Variants in AWAT2 observed in about 807,000 individuals in gnomAD.
The protein encoded by AWAT2 is acyl-CoA wax alcohol acyltransferase 2, also known as 11-cis-RE-synthase.
Under a neutral mutation model 22.3 loss-of-function variants are expected in AWAT2, and 9 were observed. The observed-to-expected ratio is 0.40, with a 90% confidence interval of 0.24 to 0.70. AWAT2 has a LOEUF of 0.70. Among genes scored for constraint, AWAT2 ranks in the 30% least tolerant of loss-of-function variants. AWAT2 has a pLI of 0.36. For synonymous variants in AWAT2, 100 were observed against 93.4 expected (o/e 1.07, Z -0.40); for missense variants, 217 against 265.9 (o/e 0.82, Z 1.28).
chrX:70,043,529 G>T lies in AWAT2; in HGVS notation c.421C>A (p.Leu141Met), dbSNP rs1464909056. 2 of 1,211,170 alleles carry T rather than the reference G, an allele frequency of 1.7e-6. No homozygotes were observed. The highest frequency in any genetic ancestry group is 2.2e-6 in the Non-Finnish European group (2 of 894,872). Residue 141 changes from leucine (L) to methionine (M), a missense_variant, in exon 4 of 8, where the codon CTG becomes ATG. Leu to Met is a conservative substitution (Grantham distance 15, BLOSUM62 2). Transcript: ENST00000276101. ...FPGITPYILTLGAFFWMPFLR... is the reference protein window; with the variant it reads ...FPGITPYILTMGAFFWMPFLR... ...AAAGGCATCCAGAAAAAGGCTCCCA[G>T]TGTGAGTATGTAAGGGGTGATGCCA...
chrX:70,044,224 C>A, intron 2 of AWAT2, 128 bp downstream of exon 2: 1 of 1,094,492 alleles, frequency 9.1e-7, no homozygotes, highest in South Asian at 2.3e-5. Context: ...CTTCCCTCAG[C>A]CTCTCTAGCC....
At chrX:70,043,760 A>G in intron 3 of AWAT2, 78 bp from the exon 4 acceptor site, 1 of 1,024,865 alleles carries the variant, frequency 9.8e-7, no homozygotes, top group East Asian at 3.3e-5. Context: ...TGAAAGGAAA[A>G]GGACTGCTAG....
intron 1 of AWAT2, among the ~76,000 whole-genome samples, chrX:70,046,923 G>C (rs2020365612): frequency 9.0e-6 from 1 of 111,190 alleles, no homozygotes; most frequent in African/African-American, 3.3e-5. Flanking sequence ...ATGTTAAGTA[G>C]AAAAAGTTTT....
In AWAT2 at chrX:70,044,413, G is replaced by A. The variant is rs1436819501; in HGVS notation, c.135C>T (p.Tyr45=). ...VNLYLVVFTP[Y]WPVTVLILTW... ...TAAGAATAAGCACAGTGACAGGCCAGTATGGTGTGAACACCACCAGGTAGA... is the reference window on the plus strand; with the variant it reads ...TAAGAATAAGCACAGTGACAGGCCAATATGGTGTGAACACCACCAGGTAGA... Residue 45 remains tyrosine (Y), a synonymous_variant, in exon 2 of 8, where the codon TAC becomes TAT. Transcript: ENST00000276101. 8.3e-7 allele frequency: 1 copy of A among 1,210,608 alleles called. No individual in the cohort carries two copies. The highest frequency in any genetic ancestry group is 1.1e-6 in the Non-Finnish European group (1 of 895,336).
chrX:70,044,204 A>T, intron 2 of AWAT2, 148 bp downstream of exon 2: 2 of 1,050,375 alleles, frequency 1.9e-6, no homozygotes, highest in Admixed American at 3.2e-5. Flanking sequence ...CTACCACCTT[A>T]AAAGGACCCC....
In AWAT2 at chrX:70,042,368, G is replaced by C. The variant is rs779543494; in HGVS notation, c.666C>G (p.Ala222=). ...ALQHGVPLIP[A]YAFGETDLYD... ...AGAGGTCCGTCTCCCCAAAGGCATA[G>C]GCAGGTATTAGAGGCACCCTGCAGA... is the stretch of plus-strand genomic sequence containing the variant. Residue 222 remains alanine, a synonymous_variant, in exon 6 of 8, where the codon GCC becomes GCG. Coordinates refer to ENST00000276101, the MANE Select transcript of AWAT2 (RefSeq NM_001002254.1). 3 of 1,211,942 alleles carry C rather than the reference G, an allele frequency of 2.5e-6. No individual in the cohort carries two copies. In the Admixed American group the frequency reaches 6.5e-5, roughly 26 times the overall value.
chrX:70,043,502 G>C lies in AWAT2; in HGVS notation c.448C>G (p.Leu150Val). 1 of 1,210,460 alleles carries C rather than the reference G, an allele frequency of 8.3e-7. No homozygotes were observed. Among genetic ancestry groups the C allele is most frequent in the Non-Finnish European group, 1.1e-6 (1 of 894,365 alleles). The change falls in exon 4 of 8, where the codon CTC (leucine) becomes GTC (valine). Residue 150 changes from leucine to valine, a missense_variant. By Grantham distance (32) the Leu-to-Val change is conservative. Coordinates refer to ENST00000276101, the MANE Select transcript of AWAT2 (RefSeq NM_001002254.1). ...TLGAFFWMPFLREYVMSTGAC... is the reference protein window; with the variant it reads ...TLGAFFWMPFVREYVMSTGAC... ...CCTGTAGACATTACATATTCTCTGA[G>C]GAAAGGCATCCAGAAAAAGGCTCCC...
rs2020341001 is a variant in AWAT2, at chrX:70,043,142, A to G, written c.574T>C (p.Tyr192His). ...VVIGGLAECR[Y>H]SLPGSSTLVL... is the part of the protein sequence containing the mutation. ...AGGGTAGAAGAACCTGGCAGGCTGTATCTGCACTCAGCCAGTCCACCAATC... is the reference window on the plus strand; with the variant it reads ...AGGGTAGAAGAACCTGGCAGGCTGTGTCTGCACTCAGCCAGTCCACCAATC... Residue 192 changes from tyrosine (Y) to histidine (H), a missense_variant, in exon 5 of 8, where the codon TAC (tyrosine) becomes CAC (histidine). By Grantham distance (83) the Tyr-to-His change is moderately conservative. Transcript: ENST00000276101. 1 of 1,204,232 alleles carries G rather than the reference A, an allele frequency of 8.3e-7. No individual in the cohort carries two copies. The highest frequency in any genetic ancestry group is 1.7e-5 in the African/African-American group (1 of 57,614).
At chrX:70,043,411 A>G in intron 4 of AWAT2, 67 bp downstream of exon 4, 1 of 1,063,642 alleles carries the variant, frequency 9.4e-7, no homozygotes, top group Admixed American at 2.7e-5. Context: ...GCTCTCACGC[A>G]TCCCCCTACA....
intron 1 of AWAT2, 137 bp from the exon 2 acceptor site, chrX:70,044,599 C>G: frequency 2.0e-6 from 2 of 1,019,398 alleles, no homozygotes; most frequent in East Asian, 6.8e-5. Flanking sequence ...CTTCTTCACC[C>G]CAGCACCTGG....
rs779029391 is a variant in AWAT2, at chrX:70,043,638, G to A, written c.312C>T (p.Leu104=). Residue 104 remains leucine (L), a synonymous_variant, in exon 4 of 8, where the codon CTC becomes CTT. Coordinates refer to ENST00000276101, the MANE Select transcript of AWAT2 (RefSeq NM_001002254.1). The part of the protein sequence containing the change: ...HDICPSRNYI[L]VCHPHGLFAH... ...CAAAGAGCCCATGAGGGTGGCAGAC[G>A]AGGATGTAGTTGCGGCTGGGGCAGA... 1.8e-5 allele frequency: 22 copies of A among 1,209,081 alleles called. No individual in the cohort carries two copies. The highest frequency in any genetic ancestry group is 5.1e-4 in the Middle Eastern group (2 of 3,924).
rs1341664041 is a variant in AWAT2 at position 70,043,241 on chromosome X, C to A, written c.475G>T (p.Ala159Ser). 2 of 1,197,841 alleles carry A rather than the reference C, an allele frequency of 1.7e-6. No homozygotes were observed. Among genetic ancestry groups the A allele is most frequent in the African/African-American group, 1.8e-5 (1 of 56,948 alleles). ...ATGGAGGATCGACTCACAGAGCAGG[C>A]CCCTGGTGGATAGAAAAAGCCAAAC... ...FLREYVMSTG[A>S]CSVSRSSIDF... The change falls in exon 5 of 8, where the codon GCC (alanine) becomes TCC (serine). Residue 159 changes from alanine to serine, a missense_variant and splice_region_variant. By Grantham distance (99) the Ala-to-Ser change is moderately conservative (BLOSUM62 1). Coordinates refer to ENST00000276101, the MANE Select transcript of AWAT2 (RefSeq NM_001002254.1).
At chrX:70,046,103 TG>T (rs1216099910) in intron 1 of AWAT2, among the ~76,000 whole-genome samples, 1 of 111,525 alleles carries the variant, frequency 9.0e-6, no homozygotes, top group Non-Finnish European at 1.9e-5. Flanking sequence ...AATAAAAGGA[TG>T]GGGGGACTTA....
chrX:70,045,785 C>A, intron 1 of AWAT2, among the ~76,000 whole-genome samples: 1 of 111,213 alleles, frequency 9.0e-6, no homozygotes, highest in South Asian at 3.8e-4. Flanking sequence ...ATGTGCTTCA[C>A]CAAAATGAGG....
intron 5 of AWAT2, chrX:70,042,796 T>C: frequency 2.6e-6 from 1 of 386,614 alleles, no homozygotes; most frequent in Admixed American, 4.8e-5. Context: ...GGGCTGGCCC[T>C]CTGCCCATTC....
In AWAT2 at chrX:70,043,050, G is replaced by C. The variant is rs2020339933; in HGVS notation, c.647+19C>G. On this transcript the variant is annotated intron_variant, in intron 5 of 7. Coordinates refer to ENST00000276101, the MANE Select transcript of AWAT2 (RefSeq NM_001002254.1). ...ACTTTTGGATCCCTTCCGCCAGCCT[G>C]GACTGGAGCTGTCCTTACCCATGCT... The C allele has an allele frequency of 1.7e-6, 2 of 1,166,082 alleles. No individual in the cohort carries two copies. The highest frequency in any genetic ancestry group is 4.0e-5 in the South Asian group (2 of 50,113).
In AWAT2 at chrX:70,042,310, C is replaced by T; in HGVS notation, c.724G>A (p.Val242Ile). The T allele has an allele frequency of 3.3e-6, 4 of 1,212,099 alleles. No individual in the cohort carries two copies. In the South Asian group the frequency reaches 7.0e-5, roughly 21 times the overall value. ...TGGAACCACTTCTGGAAGCGGTTGA[C>T]AAAGCCACCAGGAGTGAAAATGTGC... ...DQHIFTPGGF[V>I]NRFQKWFQSM... is the part of the protein sequence containing the mutation. The change falls in exon 6 of 8, where the codon GTC becomes ATC. Residue 242 changes from valine (V) to isoleucine (I), a missense_variant. Coordinates refer to ENST00000276101, the MANE Select transcript of AWAT2 (RefSeq NM_001002254.1).
chrX:70,046,499 G>T (rs1186717478), intron 1 of AWAT2, among the ~76,000 whole-genome samples: 3 of 109,289 alleles, frequency 2.7e-5, no homozygotes, highest in African/African-American at 6.7e-5. Context: ...CCGCCTCCCG[G>T]GTTCAAGCAG....
chrX:70,049,376 TG>T (rs1407749300), intron 1 of AWAT2, among the ~76,000 whole-genome samples: 36 of 111,856 alleles, frequency 3.2e-4, no homozygotes, highest in East Asian at 1.4e-3. Context: ...TTGGAAGACA[TG>T]GATGGATAAA....
Sources: allele counts gnomAD v4.1 joint callset (sites outside exome capture counted in the v4.1 genomes callset), GRCh38; gene constraint gnomAD v4.1.1; transcripts MANE v1.5; gene names NCBI Gene and HGNC (gene_info 2026-07-23, HGNC 2026-07-21).